Variants in PITPNM2 observed in about 807,000 individuals in gnomAD.
PITPNM2 encodes membrane-associated phosphatidylinositol transfer protein 2.
Under a neutral mutation model 132.2 loss-of-function variants are expected in PITPNM2, and 35 were observed. That is an observed-to-expected ratio of 0.26 (90% CI 0.20 to 0.35). The LOEUF (loss-of-function observed/expected upper bound fraction) is 0.35, where lower values mean the gene tolerates loss of function less well. PITPNM2 is among the 10% of genes least tolerant of loss of function. PITPNM2 has a pLI of 1.00. For missense variants in PITPNM2, 1,332 were observed against 1,912.0 expected (o/e 0.70, Z 5.66); for synonymous variants, 738 against 799.2 (o/e 0.92, Z 1.29).
In PITPNM2 at chr12:122,992,619, C is replaced by T. The variant is rs760595600; in HGVS notation, c.2284G>A (p.Ala762Thr). 9.3e-6 allele frequency: 15 copies of T among 1,605,878 alleles called. No individual in the cohort carries two copies. The highest frequency in any genetic ancestry group is 2.3e-5 in the East Asian group (1 of 44,442). ...CQQVYNLFHPADPSASRLEPL... is the reference protein window; with the variant it reads ...CQQVYNLFHPTDPSASRLEPL... The stretch of plus-strand genomic sequence containing the variant: ...TCCAGGCGTGAAGCTGACGGGTCCG[C>T]GGGGTGGAAGAGGTTGTAGACTTGC... Residue 762 changes from alanine (A) to threonine (T), a missense_variant, in exon 16 of 26, where the codon GCG becomes ACG. By Grantham distance (58) the Ala-to-Thr change is moderately conservative. Transcript: ENST00000320201. The surrounding 1 kb of genome is among the most constrained non-coding windows in gnomAD (Gnocchi z 6.5).
chr12:123,025,219 C>T (rs1161147189), intron 3 of PITPNM2, among the ~76,000 whole-genome samples: 5 of 152,170 alleles, frequency 3.3e-5, no homozygotes, highest in Non-Finnish European at 5.9e-5. Flanking sequence ...TGTATGTGTG[C>T]GTGCATACAC....
rs2038850214 is a variant in PITPNM2, at chr12:123,004,725, G to T, written c.953-236C>A. ...TCATGTCCCGGGGAGCATGGGTGGG[G>T]AAGAGCATGACAGACATAAGCCCAG... On this transcript the variant is annotated intron_variant, in intron 7 of 25. Transcript: ENST00000320201. This position sits in a 1 kb window ranked among gnomAD's most constrained non-coding sequence, Gnocchi z 4.9. The T allele has an allele frequency of 1.7e-6, 1 of 604,030 alleles. No homozygotes were observed. The highest frequency in any genetic ancestry group is 1.8e-5 in the African/African-American group (1 of 54,262). 37.4% of individuals were successfully genotyped at this position (604,030 alleles called of 1,614,324 possible).
rs1049845995 is a variant in PITPNM2, at chr12:123,062,105, A to C, written c.-95-27420T>G. On this transcript the variant is annotated intron_variant, in intron 2 of 25. Transcript: ENST00000320201. ...GCATCTGTCTGCTCCCCTCCGGTGC[A>C]CCTGGGACCCTGATGCTTGCTGCTT... is the stretch of plus-strand genomic sequence containing the variant. Among the ~76,000 whole-genome samples, 6 of 152,064 alleles carry C rather than the reference A, an allele frequency of 3.9e-5. No individual in the cohort carries two copies. The East Asian group carries it at 1.2e-3, about 29-fold the overall frequency.
At chr12:123,059,856 C>T (rs2041174267) in intron 2 of PITPNM2, among the ~76,000 whole-genome samples, 1 of 151,850 alleles carries the variant, frequency 6.6e-6, no homozygotes, top group African/African-American at 2.4e-5. Flanking sequence ...ACAGGGGTTC[C>T]TTTCAGGGTG....
In PITPNM2 at chr12:123,077,872, C is replaced by A. The variant is rs1220745343; in HGVS notation, c.-96+32513G>T. ...GGAGGTGTGCACCACAGGAGCCAGG[C>A]TGGGGTCGCGCAGCAGCCTCCCATC... On this transcript the variant is annotated intron_variant, in intron 2 of 25. Coordinates refer to ENST00000320201, the MANE Select transcript of PITPNM2 (RefSeq NM_020845.3). The surrounding 1 kb of genome is among the most constrained non-coding windows in gnomAD (Gnocchi z 4.8). Among the ~76,000 whole-genome samples, 6 of 152,186 alleles carry A rather than the reference C, an allele frequency of 3.9e-5. No homozygotes were observed. The highest frequency in any genetic ancestry group is 1.4e-4 in the African/African-American group (6 of 41,446).
At position 123,111,569 on chromosome 12, in the gene PITPNM2, C is replaced by T. The variant is rs2042833838; in HGVS notation, c.-199-1081G>A. Among the ~76,000 whole-genome samples, 1 of 152,210 alleles carries T rather than the reference C, an allele frequency of 6.6e-6. No individual in the cohort carries two copies. The highest frequency in any genetic ancestry group is 2.4e-5 in the African/African-American group (1 of 41,454). The stretch of plus-strand genomic sequence containing the variant: ...TGGAATTGGGGAGGTGTGAAGATAG[C>T]TAGCAATACACAGCAGTGGGAGGTG... On this transcript the variant is annotated intron_variant, in intron 1 of 25. Transcript: ENST00000320201. The surrounding 1 kb of genome is among the most constrained non-coding windows in gnomAD (Gnocchi z 4.1).
chr12:123,144,434 T>A (rs149545592), intron 1 of PITPNM2, among the ~76,000 whole-genome samples: 4 of 152,296 alleles, frequency 2.6e-5, no homozygotes, highest in Non-Finnish European at 5.9e-5. Context: ...ATAGGGTGTC[T>A]TTTTTGTTGT....
intron 2 of PITPNM2, among the ~76,000 whole-genome samples, chr12:123,054,379 T>C (rs1394786782): frequency 2.0e-5 from 3 of 152,254 alleles, no homozygotes; most frequent in African/African-American, 7.2e-5. Context: ...TTTAATAATA[T>C]TTGTTCTATC....
chr12:123,115,790 A>G (rs1302895489), intron 1 of PITPNM2, among the ~76,000 whole-genome samples: 3 of 152,206 alleles, frequency 2.0e-5, no homozygotes, highest in Non-Finnish European at 4.4e-5. Context: ...ACAAGTAACC[A>G]GGGCCTTGTG....
chr12:123,135,019 T>C (rs1593033504), intron 1 of PITPNM2, among the ~76,000 whole-genome samples: 1 of 152,176 alleles, frequency 6.6e-6, no homozygotes, highest in East Asian at 1.9e-4. Flanking sequence ...GTTGGTGGGC[T>C]AGCCTGGGAA....
chr12:123,042,804 C>T (rs1162664855), intron 2 of PITPNM2, among the ~76,000 whole-genome samples: 1 of 152,128 alleles, frequency 6.6e-6, no homozygotes, highest in East Asian at 1.9e-4. Flanking sequence ...ACAAGGCTCC[C>T]CAGGCCTCCC....
chr12:123,095,031 C>T lies in PITPNM2; in HGVS notation c.-96+15354G>A, dbSNP rs1198932039. 2.0e-5 allele frequency among the ~76,000 whole-genome samples: 3 copies of T among 152,228 alleles called. No individual in the cohort carries two copies. Among genetic ancestry groups the T allele is most frequent in the African/African-American group, 7.2e-5 (3 of 41,464 alleles). On this transcript the variant is annotated intron_variant, in intron 2 of 25. Transcript: ENST00000320201. The surrounding 1 kb of genome is among the most constrained non-coding windows in gnomAD (Gnocchi z 5.0). ...GCATGTTTATCCTTCCCTCATACAA[C>T]ACTTTTTCTTTGGTCACTTCTTTTT...
chr12:122,983,890 C>G lies in PITPNM2; in HGVS notation c.*2137G>C, dbSNP rs986843838. 4 of 152,704 alleles carry G rather than the reference C, an allele frequency of 2.6e-5. No homozygotes were observed. The highest frequency in any genetic ancestry group is 4.4e-5 in the Non-Finnish European group (3 of 68,076). The allele number at this position is 152,704 out of a possible 1,614,324, so 9.5% of individuals were successfully genotyped here. A position where few individuals can be genotyped will look rare whatever the true frequency, so the allele number is the denominator to read the frequency against. ...GAGCCCTGCAGCTCAGCACCCAACT[C>G]TGTAAACATTTTTGGTATTTTTAAA... On this transcript the variant is annotated 3_prime_UTR_variant, in exon 26 of 26. Coordinates refer to ENST00000320201, the MANE Select transcript of PITPNM2 (RefSeq NM_020845.3).
intron 2 of PITPNM2, chr12:123,089,375 T>C (rs1379534038): frequency 6.6e-6 from 1 of 152,192 alleles, no homozygotes; most frequent in African/African-American, 2.4e-5. Flanking sequence ...ATGAAGCTGA[T>C]AGAAAGCTCT....
At chr12:123,088,742 G>A (rs1347154787) in intron 2 of PITPNM2, 1 of 152,208 alleles carries the variant, frequency 6.6e-6, no homozygotes, top group Non-Finnish European at 1.5e-5. Context: ...GTTGGGGGGA[G>A]AGGGACAAAT....
intron 1 of PITPNM2, among the ~76,000 whole-genome samples, chr12:123,140,071 C>T (rs528572540): frequency 6.6e-6 from 1 of 152,314 alleles, no homozygotes; most frequent in East Asian, 1.9e-4. Flanking sequence ...GACAGCAACG[C>T]AGGTCTGACT....
At chr12:123,016,733 G>T (rs1483160048) in intron 3 of PITPNM2, among the ~76,000 whole-genome samples, 1 of 152,140 alleles carries the variant, frequency 6.6e-6, no homozygotes, top group Non-Finnish European at 1.5e-5. Context: ...TAAAATGGTG[G>T]GAATGTAAAA....
At chr12:123,130,925 G>A (rs2043248774) in intron 1 of PITPNM2, among the ~76,000 whole-genome samples, 1 of 152,248 alleles carries the variant, frequency 6.6e-6, no homozygotes, top group Admixed American at 6.5e-5. Context: ...CCAGAAATAG[G>A]AGAGGCTTGG....
chr12:122,988,098 G>A, intron 20 of PITPNM2, 136 bp downstream of exon 20: 1 of 912,410 alleles, frequency 1.1e-6, no homozygotes, highest in Non-Finnish European at 1.7e-6. Flanking sequence ...TGTGAAGTGG[G>A]CTGACAGCTC....
Sources: allele counts gnomAD v4.1 joint callset (sites outside exome capture counted in the v4.1 genomes callset), GRCh38; gene constraint gnomAD v4.1.1; non-coding constraint Gnocchi (gnomAD v3.1); transcripts MANE v1.5; gene names NCBI Gene and HGNC (gene_info 2026-07-23, HGNC 2026-07-21).